TMEM178A: variants seen among roughly 807,000 people sequenced by gnomAD.
The protein encoded by TMEM178A is transmembrane protein 178.
TMEM178A carries 12 observed loss-of-function variants against 29.1 expected under a neutral mutation model. The ratio of observed to expected loss-of-function variants is 0.41; its 90% CI spans 0.26 to 0.67. The LOEUF (loss-of-function observed/expected upper bound fraction) is 0.67, where lower values mean the gene tolerates loss of function less well. Ranked by LOEUF, TMEM178A falls within the 30% of genes least tolerant of loss-of-function variation. TMEM178A has a pLI of 0.29. For missense variants in TMEM178A, 366 were observed against 419.1 expected (o/e 0.87, Z 1.11); for synonymous variants, 210 against 187.2 (o/e 1.12, Z -0.99).
At chr2:39,685,504 G>A (rs1391745921) in intron 1 of TMEM178A, among the ~76,000 whole-genome samples, 1 of 152,188 alleles carries the variant, frequency 6.6e-6, no homozygotes. Context: ...TGAGGGTAGG[G>A]CTTTTGTTTG....
At chr2:39,673,495 T>C (rs1259911044) in intron 1 of TMEM178A, among the ~76,000 whole-genome samples, 1 of 152,242 alleles carries the variant, frequency 6.6e-6, no homozygotes, top group Admixed American at 6.5e-5. Context: ...AATCAACTCA[T>C]TTTTCCCCTA....
chr2:39,718,593 T>C (rs149147425), downstream of TMEM178A, among the ~76,000 whole-genome samples: 2 of 152,368 alleles, frequency 1.3e-5, no homozygotes, highest in South Asian at 2.1e-4. Flanking sequence ...TGTGGTGTTA[T>C]TTCACTTAAT....
intron 1 of TMEM178A, among the ~76,000 whole-genome samples, chr2:39,682,862 G>T (rs1670925472): frequency 6.6e-6 from 1 of 152,208 alleles, no homozygotes; most frequent in East Asian, 1.9e-4. Context: ...AAAGTGTCCA[G>T]ATGACTGACA....
chr2:39,727,832 G>A, the TMEM178A span, among the ~76,000 whole-genome samples: 1 of 150,770 alleles, frequency 6.6e-6, no homozygotes, highest in Non-Finnish European at 1.5e-5. Flanking sequence ...CTGTCCCTGT[G>A]ACAGTTTGCT....
At chr2:39,733,833 T>C in the TMEM178A span, among the ~76,000 whole-genome samples, 1 of 152,218 alleles carries the variant, frequency 6.6e-6, no homozygotes, top group African/African-American at 2.4e-5. Context: ...CTGTATGCTG[T>C]CTTCCTACCC....
At chr2:39,669,900 C>T (rs1194932821) in intron 1 of TMEM178A, among the ~76,000 whole-genome samples, 1 of 152,158 alleles carries the variant, frequency 6.6e-6, no homozygotes, top group Non-Finnish European at 1.5e-5. Flanking sequence ...CCATTAGAAG[C>T]TTATTATGTG....
chr2:39,685,786 A>G (rs1432784118), intron 1 of TMEM178A, among the ~76,000 whole-genome samples: 4 of 152,246 alleles, frequency 2.6e-5, no homozygotes, highest in Non-Finnish European at 5.9e-5. Flanking sequence ...AAAGCTACCT[A>G]ATGGGTAGTA....
chr2:39,725,346 G>A, the TMEM178A span, among the ~76,000 whole-genome samples: 3 of 152,100 alleles, frequency 2.0e-5, no homozygotes, highest in East Asian at 1.9e-4. Flanking sequence ...TCTGCGATAC[G>A]CCTACATAAT....
the TMEM178A span, among the ~76,000 whole-genome samples, chr2:39,735,597 T>A: frequency 6.6e-6 from 1 of 152,246 alleles, no homozygotes; most frequent in African/African-American, 2.4e-5. Context: ...TTCACATTAC[T>A]GGGGGCCTCT....
At chr2:39,687,013 G>A (rs529820195) in intron 1 of TMEM178A, among the ~76,000 whole-genome samples, 1 of 107,120 alleles carries the variant, frequency 9.3e-6, no homozygotes, top group East Asian at 3.1e-4. Context: ...GTGTGTGTGT[G>A]TGTATTATGA....
chr2:39,719,039 G>A (rs901214471), downstream of TMEM178A, among the ~76,000 whole-genome samples: 2 of 152,164 alleles, frequency 1.3e-5, no homozygotes, highest in African/African-American at 4.8e-5. Context: ...TGTAAGGGCC[G>A]AAAGGGGTTG....
intron 1 of TMEM178A, among the ~76,000 whole-genome samples, chr2:39,688,514 C>T (rs1196775615): frequency 1.3e-5 from 2 of 152,230 alleles, no homozygotes; most frequent in Non-Finnish European, 2.9e-5. Flanking sequence ...TGAGTGCCAT[C>T]CTCAACTCTT....
chr2:39,675,128 A>C (rs1466596903), intron 1 of TMEM178A, among the ~76,000 whole-genome samples: 2 of 152,190 alleles, frequency 1.3e-5, no homozygotes, highest in African/African-American at 4.8e-5. Flanking sequence ...AATGGGTTTT[A>C]ATTTATGAGA....
intron 1 of TMEM178A, among the ~76,000 whole-genome samples, chr2:39,692,131 G>T (rs937782846): frequency 6.6e-6 from 1 of 152,172 alleles, no homozygotes; most frequent in Non-Finnish European, 1.5e-5. Context: ...AGAATAGAAT[G>T]GTGGTTACCA....
chr2:39,691,766 AATAG>A (rs1671326954), intron 1 of TMEM178A, among the ~76,000 whole-genome samples: 1 of 151,854 alleles, frequency 6.6e-6, no homozygotes, highest in Non-Finnish European at 1.5e-5. Context: ...TCTACAGATG[AATAG>A]ATAAAGGAAA....
chr2:39,724,172 A>G, the TMEM178A span, among the ~76,000 whole-genome samples: 1 of 152,190 alleles, frequency 6.6e-6, no homozygotes, highest in Non-Finnish European at 1.5e-5. Context: ...TTCCCGTGTT[A>G]CTAGGGCTGC....
intron 1 of TMEM178A, among the ~76,000 whole-genome samples, chr2:39,691,211 A>G (rs1019578327): frequency 1.3e-5 from 2 of 152,222 alleles, no homozygotes; most frequent in African/African-American, 4.8e-5. Context: ...ATCCAGATCC[A>G]CAATGCTCAA....
At chr2:39,682,254 A>T (rs2148067899) in intron 1 of TMEM178A, among the ~76,000 whole-genome samples, 1 of 152,258 alleles carries the variant, frequency 6.6e-6, no homozygotes, top group Non-Finnish European at 1.5e-5. Context: ...AGAGAGCGCT[A>T]ATTTTAACTT....
Position 39,668,106 on chromosome 2 carries a change from G to A in TMEM178A, c.400+1732G>A, listed in dbSNP as rs1572640846. 3.3e-5 allele frequency among the ~76,000 whole-genome samples: 5 copies of A among 152,218 alleles called. No homozygotes were observed. The South Asian group carries it at 1.0e-3, about 32-fold the overall frequency. ...TACAGTAGAAGAGGGGACCCCCACAGGATATTGCACAATGCCTCTGCAAAT... is the reference window on the plus strand; with the variant it reads ...TACAGTAGAAGAGGGGACCCCCACAAGATATTGCACAATGCCTCTGCAAAT... On this transcript the variant is annotated intron_variant, in intron 1 of 3. Transcript: ENST00000281961.
Sources: gnomAD v4.1 joint callset for allele counts (sites outside exome capture counted in the v4.1 genomes callset) on GRCh38, gnomAD v4.1.1 for gene constraint, MANE v1.5 for transcripts, NCBI Gene and HGNC (gene_info 2026-07-23, HGNC 2026-07-21) for gene names.